The following VWC2L variants were observed in gnomAD, a reference collection of about 807,000 sequenced individuals.
VWC2L encodes the protein von Willebrand factor C domain-containing protein 2-like.
Under a neutral mutation model 21.6 loss-of-function variants are expected in VWC2L, and 10 were observed. That is an observed-to-expected ratio of 0.46 (90% CI 0.29 to 0.78). VWC2L has a LOEUF of 0.78. Among genes scored for constraint, VWC2L ranks in the 30% least tolerant of loss-of-function variants. The probability of loss-of-function intolerance (pLI) is 0.10; values close to 1 mark genes in which losing one functional copy is unlikely to be tolerated. For missense variants in VWC2L, 209 were observed against 277.1 expected, an observed-to-expected ratio of 0.75 and a Z score of 1.74; for synonymous variants, 96 against 94.3, an observed-to-expected ratio of 1.02 and a Z score of -0.10.
chr2:214,445,199 A>C (rs1218262296), intron 3 of VWC2L, among the ~76,000 whole-genome samples: 2 of 151,934 alleles, frequency 1.3e-5, no homozygotes, highest in African/African-American at 2.4e-5. Flanking sequence ...AGGGTAGTAA[A>C]AATGTATGGA....
At chr2:214,516,525 G>T (rs1254792532) in intron 3 of VWC2L, among the ~76,000 whole-genome samples, 1 of 152,122 alleles carries the variant, frequency 6.6e-6, no homozygotes, top group East Asian at 1.9e-4. Flanking sequence ...CAATAGTTTT[G>T]TCAGAGCTTG....
intron 3 of VWC2L, among the ~76,000 whole-genome samples, chr2:214,520,881 T>C (rs1308249740): frequency 6.6e-6 from 1 of 152,096 alleles, no homozygotes; most frequent in Non-Finnish European, 1.5e-5. Flanking sequence ...GATCAGTGCT[T>C]TTTTATATAT....
chr2:214,431,375 T>C (rs1345354757), intron 2 of VWC2L, among the ~76,000 whole-genome samples: 2 of 152,198 alleles, frequency 1.3e-5, no homozygotes, highest in Non-Finnish European at 2.9e-5. Context: ...TAAATAGTTG[T>C]TTAAGGGGAG....
chr2:214,422,301 G>GTC (rs756105241), intron 2 of VWC2L, among the ~76,000 whole-genome samples: 2 of 150,222 alleles, frequency 1.3e-5, no homozygotes, highest in African/African-American at 4.9e-5. Flanking sequence ...GCATTAATTT[G>GTC]TGTGTGTGTG....
chr2:214,503,361 A>C (rs1025692381), intron 3 of VWC2L, among the ~76,000 whole-genome samples: 23 of 152,186 alleles, frequency 1.5e-4, no homozygotes, highest in African/African-American at 5.6e-4. Context: ...AATCAGAAAA[A>C]AAAATGTAAA....
At chr2:214,413,302 A>C (rs920896938) in intron 1 of VWC2L, among the ~76,000 whole-genome samples, 15 of 152,212 alleles carry the variant, frequency 9.9e-5, no homozygotes, top group African/African-American at 3.6e-4. Context: ...GATTCAAGTT[A>C]CTGTGAAGTA....
chr2:214,504,446 T>C (rs891127822), intron 3 of VWC2L, among the ~76,000 whole-genome samples: 1 of 152,212 alleles, frequency 6.6e-6, no homozygotes, highest in Non-Finnish European at 1.5e-5. Flanking sequence ...GTCTGACATT[T>C]TGGGGAGCTG....
intron 3 of VWC2L, among the ~76,000 whole-genome samples, chr2:214,462,321 C>G (rs1703155712): frequency 6.6e-6 from 1 of 152,254 alleles, no homozygotes; most frequent in Admixed American, 6.5e-5. Context: ...CTTACTTACC[C>G]TGTCCCTGCA....
chr2:214,468,644 A>C (rs949342994), intron 3 of VWC2L, among the ~76,000 whole-genome samples: 9 of 152,200 alleles, frequency 5.9e-5, no homozygotes, highest in African/African-American at 2.2e-4. Context: ...TGAAAAAAAA[A>C]ATCAAAGTAA....
rs1219302210 is a variant in VWC2L at position 214,550,985 on chromosome 2, C to A, written c.521-24687C>A. Among the ~76,000 whole-genome samples the A allele has an allele frequency of 2.3e-4, 35 of 152,158 alleles. 1 individual carries two copies. The highest frequency in any genetic ancestry group is 2.3e-3 in the Admixed American group (35 of 15,272). ...CTGGGCCTCTAGTTCCATTTATGAA[C>A]CCTATGACTCAGCTACACAACTTCC... On this transcript the variant is annotated intron_variant, in intron 3 of 3. Coordinates refer to ENST00000312504, the MANE Select transcript of VWC2L (RefSeq NM_001080500.4).
intron 3 of VWC2L, among the ~76,000 whole-genome samples, chr2:214,556,391 C>T (rs1308206662): frequency 6.6e-6 from 1 of 152,192 alleles, no homozygotes; most frequent in Non-Finnish European, 1.5e-5. Flanking sequence ...GGCAAATTTA[C>T]AGCCTTAAAA....
rs141456906 is a variant in VWC2L at position 214,578,541 on chromosome 2, T to C, written c.*2721T>C. 1.3e-5 allele frequency: 2 copies of C among 152,314 alleles called. No individual in the cohort carries two copies. Among genetic ancestry groups the C allele is most frequent in the Non-Finnish European group, 2.9e-5 (2 of 68,032 alleles). The allele number at this position is 152,314 out of a possible 1,614,324, so 9.4% of individuals were successfully genotyped here. A position where few individuals can be genotyped will look rare whatever the true frequency, so the allele number is the denominator to read the frequency against. The stretch of plus-strand genomic sequence containing the variant: ...ACATTTTTCCCCCTTTAGGGAGAGA[T>C]GAACCTATACTGTGACAATTTCTCA... On this transcript the variant is annotated 3_prime_UTR_variant, in exon 4 of 4. Coordinates refer to ENST00000312504, the MANE Select transcript of VWC2L (RefSeq NM_001080500.4).
At chr2:214,516,995 CTCTCAT>C (rs1202181130) in intron 3 of VWC2L, among the ~76,000 whole-genome samples, 2 of 152,238 alleles carry the variant, frequency 1.3e-5, no homozygotes, top group Non-Finnish European at 2.9e-5. Context: ...TTCACTCTCA[CTCTCAT>C]TCTCACTTTT....
intron 3 of VWC2L, among the ~76,000 whole-genome samples, chr2:214,462,978 G>A (rs532813243): frequency 1.2e-4 from 19 of 152,070 alleles, no homozygotes; most frequent in African/African-American, 4.6e-4. Context: ...CCACAAAGAC[G>A]AAAGAACATT....
Position 214,518,761 on chromosome 2 carries a change from C to A in VWC2L, c.521-56911C>A, listed in dbSNP as rs1689185699. ...ACCTGAAACTGTGGAATGAAAGACT[C>A]TATCCCCAAAAGAATGTTAGTAATC... On this transcript the variant is annotated intron_variant, in intron 3 of 3. Transcript: ENST00000312504. 2.0e-5 allele frequency among the ~76,000 whole-genome samples: 3 copies of A among 152,150 alleles called. No individual in the cohort carries two copies. The South Asian group carries it at 6.2e-4, about 32-fold the overall frequency.
At position 214,414,478 on chromosome 2, in the gene VWC2L, A is replaced by T. The variant is rs769545598; in HGVS notation, c.285A>T (p.Pro95=). 1 of 1,613,406 alleles carries T rather than the reference A, an allele frequency of 6.2e-7. No homozygotes were observed. The highest frequency in any genetic ancestry group is 8.5e-7 in the Non-Finnish European group (1 of 1,179,652). ...AACCAGAATGCCCTAAAATTCACCCAAAGTGTACTAAAGTGGAACACAATG... is the reference window on the plus strand; with the variant it reads ...AACCAGAATGCCCTAAAATTCACCCTAAGTGTACTAAAGTGGAACACAATG... ...CDQPECPKIH[P]KCTKVEHNGC... The change falls in exon 2 of 4, where the codon CCA becomes CCT. Residue 95 remains proline (P), a synonymous_variant. Coordinates refer to ENST00000312504, the MANE Select transcript of VWC2L (RefSeq NM_001080500.4).
chr2:214,490,361 A>G (rs1241065039), intron 3 of VWC2L, among the ~76,000 whole-genome samples: 1 of 151,984 alleles, frequency 6.6e-6, no homozygotes, highest in Non-Finnish European at 1.5e-5. Flanking sequence ...AATTTCTAGG[A>G]AAGGTTTCTG....
At chr2:214,521,836 T>C (rs1476961885) in intron 3 of VWC2L, among the ~76,000 whole-genome samples, 1 of 152,214 alleles carries the variant, frequency 6.6e-6, no homozygotes, top group Non-Finnish European at 1.5e-5. Flanking sequence ...ATGCTATCTG[T>C]ATGAGCAAAA....
intron 3 of VWC2L, among the ~76,000 whole-genome samples, chr2:214,565,578 G>A (rs1238087714): frequency 6.6e-6 from 1 of 152,138 alleles, no homozygotes; most frequent in Non-Finnish European, 1.5e-5. Flanking sequence ...CCCTCTCACT[G>A]TGCAAAAACT....
Sources: allele counts gnomAD v4.1 joint callset (sites outside exome capture counted in the v4.1 genomes callset), GRCh38; gene constraint gnomAD v4.1.1; transcripts MANE v1.5; gene names NCBI Gene and HGNC (gene_info 2026-07-23, HGNC 2026-07-21).